Variants in CDKL2 observed in about 807,000 individuals in gnomAD.
CDKL2 encodes cyclin dependent kinase like 2, also known as cyclin-dependent kinase-like 2.
A neutral mutation model predicts 63.9 loss-of-function variants in CDKL2; 64 were observed. The ratio of observed to expected loss-of-function variants is 1.00; its 90% confidence interval spans 0.82 to 1.23. CDKL2 has a LOEUF of 1.23. CDKL2 is among the 50% of genes most tolerant of loss of function. The probability of loss-of-function intolerance (pLI) is 0.00; values close to 1 mark genes in which losing one functional copy is unlikely to be tolerated. For missense variants in CDKL2, 656 were observed against 668.0 expected, an observed-to-expected ratio of 0.98 and a Z score of 0.20; for synonymous variants, 211 against 229.2, an observed-to-expected ratio of 0.92 and a Z score of 0.72.
At chr4:75,585,728 GT>G (rs1728450073) in intron 12 of CDKL2, among the ~76,000 whole-genome samples, 2 of 152,074 alleles carry the variant, frequency 1.3e-5, no homozygotes, top group South Asian at 4.1e-4. Flanking sequence ...CAAGACCAGC[GT>G]GGGCAACAAA....
chr4:75,606,775 C>G (rs1729441145), intron 4 of CDKL2, among the ~76,000 whole-genome samples: 1 of 152,152 alleles, frequency 6.6e-6, no homozygotes, highest in African/African-American at 2.4e-5. Context: ...AAAGTTACAA[C>G]CCTTTCTTCT....
chr4:75,605,211 G>A (rs1303485711), intron 5 of CDKL2, among the ~76,000 whole-genome samples: 2 of 151,964 alleles, frequency 1.3e-5, no homozygotes, highest in Admixed American at 6.6e-5. Context: ...AAATTAGCTG[G>A]GCATGGTGGC....
intron 3 of CDKL2, among the ~76,000 whole-genome samples, chr4:75,610,829 A>ATATG (rs961076916): frequency 3.2e-4 from 48 of 152,204 alleles, no homozygotes; most frequent in Non-Finnish European, 5.3e-4. Context: ...GTGTTTATAT[A>ATATG]TATGTATGTA....
intron 10 of CDKL2, 55 bp downstream of exon 10, chr4:75,596,192 A>C: frequency 9.8e-7 from 1 of 1,022,274 alleles, no homozygotes. Context: ...AATTTTAATA[A>C]AAGTCTAGAG....
At chr4:75,607,667 G>A (rs1314089514) in intron 3 of CDKL2, among the ~76,000 whole-genome samples, 1 of 152,122 alleles carries the variant, frequency 6.6e-6, no homozygotes, top group Non-Finnish European at 1.5e-5. Context: ...AGGCAGTCAG[G>A]GGAAATTTTT....
chr4:75,613,703 C>A (rs1219758989), intron 3 of CDKL2, among the ~76,000 whole-genome samples: 3 of 152,164 alleles, frequency 2.0e-5, no homozygotes, highest in Non-Finnish European at 4.4e-5. Flanking sequence ...CTATACATTT[C>A]TCAAAATTCA....
rs1317909002 is a variant in CDKL2 at position 75,577,758 on chromosome 4, AG to A, written c.*1443del. On this transcript the variant is annotated 3_prime_UTR_variant, in exon 14 of 14. Coordinates refer to ENST00000307465, the MANE Select transcript of CDKL2 (RefSeq NM_001330724.2). ...GTCAAACAGCTGGTCACAGATTAAA[AG>A]TAGAGCTTTTAAATCAAGACCAATT... 6.6e-6 allele frequency among the ~76,000 whole-genome samples: 1 copy of A among 152,212 alleles called. No homozygotes were observed. Among genetic ancestry groups the A allele is most frequent in the Non-Finnish European group, 1.5e-5 (1 of 68,032 alleles).
rs1341578537 is a variant in CDKL2, at chr4:75,578,352, G to C, written c.*850C>G. On this transcript the variant is annotated 3_prime_UTR_variant, in exon 14 of 14. Coordinates refer to ENST00000307465, the MANE Select transcript of CDKL2 (RefSeq NM_001330724.2). ...TCAGCTGGGTAGTTCAATAGCAATT[G>C]GTCCACAGAAGAGTAATCAGTCCTG... The C allele has an allele frequency of 1.3e-5, 2 of 152,138 alleles. No individual in the cohort carries two copies. Among genetic ancestry groups the C allele is most frequent in the Non-Finnish European group, 2.9e-5 (2 of 68,028 alleles). The allele number at this position is 152,138 out of a possible 1,614,324, so 9.4% of individuals were successfully genotyped here.
Position 75,597,062 on chromosome 4 carries a change from T to C in CDKL2, c.1195A>G (p.Asn399Asp). 6.2e-7 allele frequency: 1 copy of C among 1,614,238 alleles called. No homozygotes were observed. Among genetic ancestry groups the C allele is most frequent in the African/African-American group, 1.3e-5 (1 of 75,064 alleles). The change falls in exon 9 of 14, where the codon AAT (asparagine) becomes GAT (aspartate). Residue 399 changes from asparagine to aspartate, a missense_variant. By Grantham distance (23) the Asn-to-Asp change is conservative. Coordinates refer to ENST00000307465, the MANE Select transcript of CDKL2 (RefSeq NM_001330724.2). Reference sequence around the variant, plus strand: ...TTCCTTGTGTGGTCCACGCTGACATTGCTGCAGTCTTTGAGGCTTGTTGAA... The same window carrying C: ...TTCCTTGTGTGGTCCACGCTGACATCGCTGCAGTCTTTGAGGCTTGTTGAA... ...VPSTSLKDCS[N>D]VSVDHTRNPS...
At chr4:75,604,606 G>T (rs1729343026) in intron 5 of CDKL2, among the ~76,000 whole-genome samples, 2 of 152,144 alleles carry the variant, frequency 1.3e-5, no homozygotes, top group African/African-American at 4.8e-5. Context: ...ACTAATAGCA[G>T]AAGTCCAAAT....
chr4:75,591,597 T>C (rs983793396), intron 12 of CDKL2, among the ~76,000 whole-genome samples: 1 of 151,990 alleles, frequency 6.6e-6, no homozygotes, highest in Non-Finnish European at 1.5e-5. Flanking sequence ...ACCATGTCTC[T>C]AAAAAAAGAA....
intron 1 of CDKL2, among the ~76,000 whole-genome samples, chr4:75,629,667 C>A (rs550624519): frequency 5.6e-4 from 85 of 152,224 alleles, no homozygotes; most frequent in African/African-American, 2.0e-3. Context: ...GGGCCGGGAG[C>A]GGTGGCTCAC....
intron 7 of CDKL2, among the ~76,000 whole-genome samples, chr4:75,599,052 A>G (rs1729061832): frequency 6.6e-6 from 1 of 152,192 alleles, no homozygotes; most frequent in Admixed American, 6.5e-5. Context: ...ATAGAATGTA[A>G]TTTTTGATGC....
intron 6 of CDKL2, 99 bp downstream of exon 6, chr4:75,603,712 CAAAAAA>C: frequency 8.6e-6 from 3 of 350,244 alleles, no homozygotes; most frequent in Non-Finnish European, 1.3e-5. Flanking sequence ...AAGACTCCAT[CAAAAAA>C]AAAAAAAAAA....
At position 75,591,875 on chromosome 4, in the gene CDKL2, G is replaced by A. The variant is rs779941729; in HGVS notation, c.1591C>T (p.Arg531Ter). 2.3e-5 allele frequency: 36 copies of A among 1,535,888 alleles called. No individual in the cohort carries two copies. The highest frequency in any genetic ancestry group is 3.9e-5 in the Admixed American group (2 of 50,952). Residue 531 changes from arginine to a stop codon, truncating the protein, a stop_gained, in exon 12 of 14, where the codon CGA (arginine) becomes TGA (stop). Coordinates refer to ENST00000307465, the MANE Select transcript of CDKL2 (RefSeq NM_001330724.2). LOFTEE classifies it high-confidence loss of function. ...TCAATAGCAGCCAGAGAAGGAATTCGAGATTCTGAAAGAATTTTGCTCTCT... is the reference window on the plus strand; with the variant it reads ...TCAATAGCAGCCAGAGAAGGAATTCAAGATTCTGAAAGAATTTTGCTCTCT... The part of the protein sequence containing the change: ...KKESKILSES[R>*]IPSLAAIDLH...
chr4:75,612,986 G>A (rs893612213), intron 3 of CDKL2, among the ~76,000 whole-genome samples: 3 of 152,194 alleles, frequency 2.0e-5, no homozygotes, highest in Non-Finnish European at 4.4e-5. Flanking sequence ...TTCTCCGGGC[G>A]TGGTGGCGGG....
chr4:75,597,291 T>A, intron 8 of CDKL2, 55 bp from the exon 9 acceptor site: 2 of 1,112,294 alleles, frequency 1.8e-6, no homozygotes, highest in Non-Finnish European at 2.6e-6. Context: ...AATGAAAATT[T>A]ACCTCTTCTT....
chr4:75,618,896 CATCACGTTCAAGGAACTAAA>C (rs1479531674), intron 2 of CDKL2, among the ~76,000 whole-genome samples: 4 of 152,312 alleles, frequency 2.6e-5, no homozygotes, highest in Admixed American at 2.0e-4. Context: ...CTTAATTTAA[CATCACGTTCAAGGAACTAAA>C]AGCCTTGAAC....
At position 75,614,368 on chromosome 4, in the gene CDKL2, C is replaced by T. The variant is rs1729836060; in HGVS notation, c.250G>A (p.Asp84Asn). 2 of 1,610,116 alleles carry T rather than the reference C, an allele frequency of 1.2e-6. No individual in the cohort carries two copies. Among genetic ancestry groups the T allele is most frequent in the Non-Finnish European group, 1.7e-6 (2 of 1,177,818 alleles). ...TCCAAGTCATCAAGAATTGTGTGGT[C>T]AACAAATTCAAAGACTAGGTACCAT... ...KRWYLVFEFV[D>N]HTILDDLELF... The change falls in exon 3 of 14, where the codon GAC becomes AAC. Residue 84 changes from aspartate to asparagine, a missense_variant. Transcript: ENST00000307465.
Sources: allele counts gnomAD v4.1 joint callset (sites outside exome capture counted in the v4.1 genomes callset), GRCh38; gene constraint gnomAD v4.1.1; transcripts MANE v1.5; gene names NCBI Gene and HGNC (gene_info 2026-07-23, HGNC 2026-07-21).